Variants in PCDHA5 observed in about 807,000 individuals in gnomAD.
PCDHA5 encodes protocadherin alpha 5, also known as protocadherin alpha-5.
PCDHA5 carries 43 observed loss-of-function variants against 61.6 expected under a neutral mutation model. That is an observed-to-expected ratio of 0.70 (90% CI 0.55 to 0.90). The LOEUF (loss-of-function observed/expected upper bound fraction) is 0.90, where lower values mean the gene tolerates loss of function less well. Ranked by LOEUF, PCDHA5 falls within the 40% of genes least tolerant of loss-of-function variation. The probability of loss-of-function intolerance (pLI) is 0.00; values close to 1 mark genes in which losing one functional copy is unlikely to be tolerated. For synonymous variants in PCDHA5, 627 were observed against 543.9 expected, an observed-to-expected ratio of 1.15 and a Z score of -2.13; for missense variants, 1,298 against 1,222.7, an observed-to-expected ratio of 1.06 and a Z score of -0.92.
rs782337552 is a variant in PCDHA5, at chr5:140,856,686, C to G, written c.2352+32559C>G. On this transcript the variant is annotated intron_variant, in intron 1 of 3. Transcript: ENST00000529859. ...CCTCAGCTAAAGTTGTTGTTGACAG[C>G]AACTGATGGAGGCAAACCTGAATTT... is the stretch of plus-strand genomic sequence containing the variant. The G allele has an allele frequency of 1.9e-6, 3 of 1,597,202 alleles. No individual in the cohort carries two copies. The East Asian group carries it at 6.7e-5, about 36-fold the overall frequency.
chr5:140,945,560 C>T (rs1321626108), intron 1 of PCDHA5, among the ~76,000 whole-genome samples: 3 of 151,960 alleles, frequency 2.0e-5, no homozygotes, highest in Non-Finnish European at 2.9e-5. Context: ...AAGCTGAAGA[C>T]ATCATACTAC....
chr5:140,861,715 C>A, intron 1 of PCDHA5: 1 of 216,886 alleles, frequency 4.6e-6, no homozygotes, highest in South Asian at 7.0e-5. Flanking sequence ...ACGTCGGGGC[C>A]AATGCTCTGA....
intron 3 of PCDHA5, among the ~76,000 whole-genome samples, chr5:140,983,533 G>A (rs1195364351): frequency 6.6e-6 from 1 of 152,208 alleles, no homozygotes; most frequent in Non-Finnish European, 1.5e-5. Flanking sequence ...TACATTGTAT[G>A]TGTGGTCTCA....
At chr5:140,862,065 G>T (rs2047192939) in intron 1 of PCDHA5, 1 of 155,768 alleles carries the variant, frequency 6.4e-6, no homozygotes, top group African/African-American at 2.4e-5. Flanking sequence ...TGCAACTGAT[G>T]TCTCCCCTAA....
At chr5:141,006,704 A>G (rs2098283751) in intron 3 of PCDHA5, among the ~76,000 whole-genome samples, 1 of 152,128 alleles carries the variant, frequency 6.6e-6, no homozygotes, top group Non-Finnish European at 1.5e-5. Context: ...GAGTCAAGAT[A>G]TATTTAGGAG....
At chr5:140,926,740 A>G (rs1291119790) in intron 1 of PCDHA5, 2 of 1,186,206 alleles carry the variant, frequency 1.7e-6, no homozygotes, top group Non-Finnish European at 2.2e-6. Context: ...CGGGAGGCGC[A>G]ACGTCGGCGG....
At position 140,842,992 on chromosome 5, in the gene PCDHA5, C is replaced by T. The variant is rs144435690; in HGVS notation, c.2352+18865C>T. The T allele has an allele frequency of 5.2e-4, 826 of 1,594,968 alleles. 57 individuals carry two copies. In the African/African-American group the frequency reaches 9.5e-3, roughly 18 times the overall value. On this transcript the variant is annotated intron_variant, in intron 1 of 3. Transcript: ENST00000529859. ...TGACGCTGCAGGTGTTCGTGCTGGA[C>T]GAGAATGACAACGCGCCGGCACTGC...
rs2044359336 is a variant in PCDHA5 at position 140,857,099 on chromosome 5, G to A, written c.2352+32972G>A. On this transcript the variant is annotated intron_variant, in intron 1 of 3. Transcript: ENST00000529859. ...AAATGATAATTCACCTGAGGTGATT[G>A]TCACTTCTCTGTCTCTCCCAGTGAA... 2 of 1,597,238 alleles carry A rather than the reference G, an allele frequency of 1.3e-6. No homozygotes were observed. The highest frequency in any genetic ancestry group is 3.4e-5 in the Admixed American group (2 of 59,246).
chr5:140,888,288 C>G (rs1328691042), intron 1 of PCDHA5, among the ~76,000 whole-genome samples: 1 of 152,108 alleles, frequency 6.6e-6, no homozygotes, highest in African/African-American at 2.4e-5. Context: ...CCCTCTACCC[C>G]CTACCCAGGA....
intron 1 of PCDHA5, chr5:140,829,702 G>T (rs1295697160): frequency 6.2e-7 from 1 of 1,613,390 alleles, no homozygotes; most frequent in Admixed American, 1.7e-5. Flanking sequence ...AGGTGAGCGC[G>T]CGCGACGCGG....
Position 140,824,357 on chromosome 5 carries a change from A to G in PCDHA5, c.2352+230A>G, listed in dbSNP as rs1348409410. On this transcript the variant is annotated intron_variant, in intron 1 of 3. Coordinates refer to ENST00000529859, the MANE Select transcript of PCDHA5 (RefSeq NM_018908.3). ...AAGTGTTTTTAAAATAATATTTTAT[A>G]TTAGCATTTGAATTTTGCATCTCTA... 8 of 580,340 alleles carry G rather than the reference A, an allele frequency of 1.4e-5. No homozygotes were observed. The East Asian group carries it at 2.1e-4, about 15-fold the overall frequency. The allele number at this position is 580,340 out of a possible 1,614,324, so 35.9% of individuals were successfully genotyped here.
chr5:140,928,587 C>T, intron 1 of PCDHA5: 1 of 1,614,228 alleles, frequency 6.2e-7, no homozygotes. Flanking sequence ...ATGGTTCTGT[C>T]CCAGTGGAAA....
At chr5:140,981,457 C>T (rs910127197) in intron 2 of PCDHA5, among the ~76,000 whole-genome samples, 6 of 152,064 alleles carry the variant, frequency 3.9e-5, no homozygotes, top group African/African-American at 7.2e-5. Context: ...GCCTGTAGTC[C>T]CAGCTACTTG....
chr5:140,903,180 T>C (rs149488870), intron 1 of PCDHA5, among the ~76,000 whole-genome samples: 1,613 of 152,324 alleles, frequency 0.011, 17 homozygotes, highest in African/African-American at 0.028. Context: ...TTCCCACCAA[T>C]AGTATAAAAG....
intron 1 of PCDHA5, chr5:140,884,656 G>C (rs782439139): frequency 1.9e-6 from 3 of 1,602,178 alleles, no homozygotes; most frequent in Admixed American, 1.7e-5. Context: ...CAGAATGCTT[G>C]AAAGAGGTAA....
chr5:140,850,233 A>C lies in PCDHA5; in HGVS notation c.2352+26106A>C, dbSNP rs2150474794. The C allele has an allele frequency of 2.5e-6, 4 of 1,593,908 alleles. No individual in the cohort carries two copies. In the South Asian group the frequency reaches 4.4e-5, roughly 18 times the overall value. On this transcript the variant is annotated intron_variant, in intron 1 of 3. Transcript: ENST00000529859. The stretch of plus-strand genomic sequence containing the variant: ...GGGCACTGACGGCGCAGTGAGCGAG[A>C]TGGTGCTGCGGTCGGTGGGCGCCGG...
intron 2 of PCDHA5, 129 bp from the exon 3 acceptor site, chr5:140,982,346 G>A: frequency 1.3e-6 from 2 of 1,492,346 alleles, no homozygotes; most frequent in South Asian, 2.7e-5. Context: ...AATTGCTTCA[G>A]TTCAAGCATG....
At chr5:140,960,279 T>A (rs1220391317) in intron 1 of PCDHA5, among the ~76,000 whole-genome samples, 1 of 152,216 alleles carries the variant, frequency 6.6e-6, no homozygotes, top group African/African-American at 2.4e-5. Flanking sequence ...GTCACCTTTT[T>A]GGGACCCAGT....
At position 140,975,481 on chromosome 5, in the gene PCDHA5, T is replaced by C. The variant is rs566642912; in HGVS notation, c.2353-3468T>C. Among the ~76,000 whole-genome samples, 225 of 152,370 alleles carry C rather than the reference T, an allele frequency of 1.5e-3. 1 individual carries two copies. The highest frequency in any genetic ancestry group is 5.2e-3 in the African/African-American group (216 of 41,590). ...TCTTGGAATTCTGCCTATCAGTTTA[T>C]ATCAATGTTCATAAAATAGCACTAT... On this transcript the variant is annotated intron_variant, in intron 1 of 3. Transcript: ENST00000529859.
Sources: gnomAD v4.1 joint callset for allele counts (sites outside exome capture counted in the v4.1 genomes callset) on GRCh38, gnomAD v4.1.1 for gene constraint, MANE v1.5 for transcripts, NCBI Gene and HGNC (gene_info 2026-07-23, HGNC 2026-07-21) for gene names.